ZNG1E: variants seen among roughly 807,000 people sequenced by gnomAD.
The protein encoded by ZNG1E is Zn regulated GTPase metalloprotein activator 1E, also known as zinc-regulated GTPase metalloprotein activator 1E.
At chr9:65,658,907 G>T in the ZNG1E span, among the ~76,000 whole-genome samples, 2 of 151,410 alleles carry the variant, frequency 1.3e-5, no homozygotes, top group African/African-American at 4.9e-5. Flanking sequence ...ATTAGGTTAA[G>T]AATTGCCCAT....
At chr9:65,680,923 G>A in the ZNG1E span, among the ~76,000 whole-genome samples, 1 of 152,186 alleles carries the variant, frequency 6.6e-6, no homozygotes, top group African/African-American at 2.4e-5. Flanking sequence ...TGAGTAGCTG[G>A]GACTACAGGT....
At chr9:65,722,697 ATTTTTTTTTTTTTTTTTT>A in the ZNG1E span, among the ~76,000 whole-genome samples, 1 of 8,396 alleles carries the variant, frequency 1.2e-4, no homozygotes. Context: ...TGCCTAGCTA[ATTTTTTTTTTTTTTTTTT>A]TTTTTTTTTT....
chr9:65,688,161 G>GAATTAATTGGTTAAGTCATTAATTATT, the ZNG1E span, among the ~76,000 whole-genome samples: 2 of 149,862 alleles, frequency 1.3e-5, no homozygotes, highest in East Asian at 3.9e-4. Context: ...TATTTTAAAT[G>GAATTAATTGGTTAAGTCATTAATTATT]AATTAATTGG....
chr9:65,721,733 CT>C, the ZNG1E span, among the ~76,000 whole-genome samples: 6 of 150,536 alleles, frequency 4.0e-5, no homozygotes, highest in African/African-American at 1.5e-4. Context: ...TGTCACTTTA[CT>C]ACTAAATAGG....
the ZNG1E span, among the ~76,000 whole-genome samples, chr9:65,685,329 C>A: frequency 3.3e-5 from 5 of 152,250 alleles, no homozygotes; most frequent in African/African-American, 9.6e-5. Flanking sequence ...TTAGTTGACT[C>A]TCCCTTTCAT....
At chr9:65,660,834 T>G in the ZNG1E span, among the ~76,000 whole-genome samples, 116 of 46,720 alleles carry the variant, frequency 2.5e-3, no homozygotes, top group African/African-American at 8.4e-3. Context: ...TACAGATATA[T>G]ATATATATAT....
the ZNG1E span, among the ~76,000 whole-genome samples, chr9:65,685,315 T>C: frequency 6.6e-6 from 1 of 152,378 alleles, no homozygotes; most frequent in Admixed American, 6.5e-5. Flanking sequence ...TGAAGTTTGC[T>C]GCATTAGTTG....
At chr9:65,684,849 A>G in the ZNG1E span, among the ~76,000 whole-genome samples, 1 of 152,202 alleles carries the variant, frequency 6.6e-6, no homozygotes, top group South Asian at 2.1e-4. Flanking sequence ...TGAATATCAC[A>G]ATAGAGTGAG....
At chr9:65,710,204 TG>T in the ZNG1E span, among the ~76,000 whole-genome samples, 9 of 146,624 alleles carry the variant, frequency 6.1e-5, no homozygotes, top group Non-Finnish European at 1.0e-4. Context: ...TGGGGTTGTT[TG>T]GTTTTTTCTT....
chr9:65,703,841 T>C, the ZNG1E span: 17,340 of 967,758 alleles, frequency 0.018, 534 homozygotes, highest in Middle Eastern at 0.023. Context: ...CTTATATGCA[T>C]GTGAACAGCT....
the ZNG1E span, among the ~76,000 whole-genome samples, chr9:65,659,031 C>T: frequency 6.6e-6 from 1 of 152,078 alleles, no homozygotes; most frequent in Non-Finnish European, 1.5e-5. Flanking sequence ...GAAAGTGGGG[C>T]AGGGGACACA....
At chr9:65,660,854 T>A in the ZNG1E span, among the ~76,000 whole-genome samples, 3,250 of 52,448 alleles carry the variant, frequency 0.062, 16 homozygotes, top group African/African-American at 0.18. Context: ...TATATATATA[T>A]AAAATAAAAA....
chr9:65,658,175 A>C, the ZNG1E span, among the ~76,000 whole-genome samples: 1 of 151,242 alleles, frequency 6.6e-6, no homozygotes, highest in Non-Finnish European at 1.5e-5. Context: ...AAAAGTAAAA[A>C]GTTTCAATTG....
At chr9:65,714,708 CA>C in the ZNG1E span, among the ~76,000 whole-genome samples, 1 of 151,560 alleles carries the variant, frequency 6.6e-6, no homozygotes, top group East Asian at 1.9e-4. Context: ...GGTGACCTCC[CA>C]GGGGGTCAGG....
the ZNG1E span, chr9:65,701,406 AT>A: frequency 2.6e-5 from 4 of 152,002 alleles, no homozygotes; most frequent in African/African-American, 4.8e-5. Flanking sequence ...CTATAAAAAA[AT>A]ATAATGTCTC....
chr9:65,683,980 T>G, the ZNG1E span, among the ~76,000 whole-genome samples: 1 of 152,404 alleles, frequency 6.6e-6, no homozygotes, highest in African/African-American at 2.4e-5. Flanking sequence ...AGTTTTGCCA[T>G]TTTATAGACA....
chr9:65,690,949 A>C, the ZNG1E span: 7 of 1,599,652 alleles, frequency 4.4e-6, no homozygotes, highest in Middle Eastern at 2.3e-4. Context: ...TTATTTGATG[A>C]ATATTATATA....
the ZNG1E span, among the ~76,000 whole-genome samples, chr9:65,700,043 A>T: frequency 2.7e-5 from 4 of 149,870 alleles, no homozygotes; most frequent in Non-Finnish European, 4.4e-5. Context: ...AGTAATGAAT[A>T]CAATTCATTC....
the ZNG1E span, among the ~76,000 whole-genome samples, chr9:65,678,084 T>C: frequency 6.7e-6 from 1 of 148,400 alleles, no homozygotes; most frequent in Non-Finnish European, 1.5e-5. Context: ...GAATGAACTA[T>C]GTCTTAAAGT....
Sources: allele counts gnomAD v4.1 joint callset (sites outside exome capture counted in the v4.1 genomes callset), GRCh38; gene constraint gnomAD v4.1.1; transcripts MANE v1.5; gene names NCBI Gene and HGNC (gene_info 2026-07-23, HGNC 2026-07-21).